CELF5: variants seen among roughly 807,000 people sequenced by gnomAD.
CELF5 encodes CUG-BP and ETR-3 like factor 5.
In CELF5, 6 loss-of-function variants were observed where a neutral mutation model predicts 54.9. That is an observed-to-expected ratio of 0.11 (90% CI 0.06 to 0.22). The LOEUF (loss-of-function observed/expected upper bound fraction) is 0.22. Ranked by LOEUF, CELF5 falls within the 10% of genes least tolerant of loss-of-function variation. The pLI is 1.00. For synonymous variants in CELF5, 271 were observed against 290.9 expected, an observed-to-expected ratio of 0.93 and a Z score of 0.70; for missense variants, 401 against 678.6, an observed-to-expected ratio of 0.59 and a Z score of 4.54.
intron 1 of CELF5, among the ~76,000 whole-genome samples, chr19:3,248,922 C>CTTTCT (rs574151142): frequency 0.021 from 2,509 of 118,834 alleles, 111 homozygotes; most frequent in African/African-American, 0.068. Flanking sequence ...TTCTTTCTTT[C>CTTTCT]TTTCTTTTCT....
In CELF5 at chr19:3,278,155, G is replaced by A; in HGVS notation, c.603+45G>A. 8.0e-7 allele frequency: 1 copy of A among 1,251,012 alleles called. No homozygotes were observed. Among genetic ancestry groups the A allele is most frequent in the East Asian group, 2.4e-5 (1 of 42,194 alleles). 77.5% of individuals were successfully genotyped at this position (1,251,012 alleles called of 1,614,324 possible). A position where few individuals can be genotyped will look rare whatever the true frequency, so the allele number is the denominator to read the frequency against. On this transcript the variant is annotated intron_variant, in intron 5 of 12. Coordinates refer to ENST00000292672, the MANE Select transcript of CELF5 (RefSeq NM_021938.4). This position sits in a 1 kb window ranked among gnomAD's most constrained non-coding sequence, Gnocchi z 4.5. ...GGCCGTGGGGGTGGGGGTGGGAAAG[G>A]GGTGAGGGGGACAGGGATGAAACAG...
intron 2 of CELF5, among the ~76,000 whole-genome samples, chr19:3,263,776 G>A (rs1208744526): frequency 2.6e-5 from 4 of 151,298 alleles, no homozygotes; most frequent in Admixed American, 2.0e-4. Flanking sequence ...GTGGTGGTGG[G>A]CACCTGTGAT....
At position 3,282,895 on chromosome 19, in the gene CELF5, A is replaced by G. The variant is rs943304114; in HGVS notation, c.1039+397A>G. The stretch of plus-strand genomic sequence containing the variant: ...GCCCAGGCTGCATTGCAGTGGCACA[A>G]TCTTGGCTGACTGTAACCTCCGCTT... On this transcript the variant is annotated intron_variant, in intron 8 of 12. Coordinates refer to ENST00000292672, the MANE Select transcript of CELF5 (RefSeq NM_021938.4). This position sits in a 1 kb window ranked among gnomAD's most constrained non-coding sequence, Gnocchi z 5.2. Among the ~76,000 whole-genome samples, 6 of 152,222 alleles carry G rather than the reference A, an allele frequency of 3.9e-5. No homozygotes were observed. Among genetic ancestry groups the G allele is most frequent in the South Asian group, 4.1e-4 (2 of 4,832 alleles).
chr19:3,233,162 C>T (rs1432431369), intron 1 of CELF5, among the ~76,000 whole-genome samples: 1 of 151,898 alleles, frequency 6.6e-6, no homozygotes, highest in South Asian at 2.1e-4. Flanking sequence ...TGGCATGTGC[C>T]TAGAGCCCTA....
rs777092249 is a variant in CELF5 at position 3,224,975 on chromosome 19, A to T, written c.236A>T (p.Asp79Val). The T allele has an allele frequency of 6.3e-7, 1 of 1,596,646 alleles. No homozygotes were observed. The highest frequency in any genetic ancestry group is 1.7e-5 in the Admixed American group (1 of 58,514). ...ATCTACGAGCTCACGGTGCTCAAAG[A>T]CCCCTACACGGGGATGCACAAAGGT... ...GRIYELTVLK[D>V]PYTGMHKGCA... Residue 79 changes from aspartate to valine, a missense_variant, in exon 1 of 13, where the codon GAC (aspartate) becomes GTC (valine). Asp to Val is a radical substitution (Grantham distance 152, BLOSUM62 -3). Around this residue, in one of 6 missense-constraint regions of CELF5, gnomAD observed 66 missense variants for 132.3 expected, o/e 0.50. Transcript: ENST00000292672.
At chr19:3,276,365 G>T (rs2080052898) in intron 4 of CELF5, among the ~76,000 whole-genome samples, 1 of 151,458 alleles carries the variant, frequency 6.6e-6, no homozygotes. Flanking sequence ...GGAGAGGCCC[G>T]AGGCTTCTCC....
intron 10 of CELF5, chr19:3,286,911 T>G (rs1276282685): frequency 6.6e-6 from 1 of 150,852 alleles, no homozygotes; most frequent in African/African-American, 2.4e-5. Context: ...GGCGGGCGCC[T>G]GTGGTCCCAG....
intron 1 of CELF5, among the ~76,000 whole-genome samples, chr19:3,248,198 T>A (rs1420286860): frequency 6.6e-6 from 1 of 152,032 alleles, no homozygotes; most frequent in African/African-American, 2.4e-5. Context: ...CTCTGTTGCC[T>A]AGGCTGGATT....
Position 3,224,831 on chromosome 19 carries a change from C to A in CELF5, c.92C>A (p.Pro31His). 6.3e-7 allele frequency: 1 copy of A among 1,584,756 alleles called. No homozygotes were observed. Among genetic ancestry groups the A allele is most frequent in the African/African-American group, 1.4e-5 (1 of 73,984 alleles). The change falls in exon 1 of 13, where the codon CCC (proline) becomes CAC (histidine). Residue 31 changes from proline (P) to histidine (H), a missense_variant. Coordinates refer to ENST00000292672, the MANE Select transcript of CELF5 (RefSeq NM_021938.4). ...CCCGTGGGCAGCAGCGGGCCCGAGC[C>A]CCCCGGGGGGCAGCCCGACGGCATG... ...PSPVGSSGPE[P>H]PGGQPDGMKD...
chr19:3,226,476 A>ACAC (rs1555715644), intron 1 of CELF5, among the ~76,000 whole-genome samples: 2 of 150,976 alleles, frequency 1.3e-5, no homozygotes, highest in South Asian at 2.1e-4. Flanking sequence ...ACACACACAC[A>ACAC]AAATTGGGCC....
chr19:3,288,035 C>T (rs2080282752), intron 10 of CELF5, among the ~76,000 whole-genome samples: 1 of 152,106 alleles, frequency 6.6e-6, no homozygotes, highest in South Asian at 2.1e-4. Flanking sequence ...AGGTGCAGCT[C>T]ACAGCACACT....
At chr19:3,225,462 TCCCTGCCC>T in intron 1 of CELF5, 7 of 63,212 alleles carry the variant, frequency 1.1e-4, no homozygotes, top group South Asian at 6.4e-4. Flanking sequence ...CCGGCACCCC[TCCCTGCCC>T]CCCCACCCCC....
intron 1 of CELF5, among the ~76,000 whole-genome samples, chr19:3,239,269 G>T (rs1201527323): frequency 2.7e-5 from 4 of 146,828 alleles, no homozygotes; most frequent in Admixed American, 1.4e-4. Context: ...CCAGCTGTTT[G>T]TTTTTTTTTT....
intron 1 of CELF5, among the ~76,000 whole-genome samples, chr19:3,242,704 G>T (rs923276346): frequency 2.0e-5 from 3 of 152,156 alleles, no homozygotes; most frequent in Non-Finnish European, 4.4e-5. Flanking sequence ...TACTTGGGAG[G>T]CTGAGGCAGG....
At chr19:3,251,652 CTTTTTTT>C (rs1195812856) in intron 2 of CELF5, among the ~76,000 whole-genome samples, 3 of 67,110 alleles carry the variant, frequency 4.5e-5, no homozygotes, top group South Asian at 1.2e-3. Flanking sequence ...ACAAGGGCTT[CTTTTTTT>C]TTTTTTTTTT....
At position 3,224,863 on chromosome 19, in the gene CELF5, C is replaced by G; in HGVS notation, c.124C>G (p.Leu42Val). Residue 42 changes from leucine to valine, a missense_variant, in exon 1 of 13, where the codon CTG (leucine) becomes GTG (valine). Coordinates refer to ENST00000292672, the MANE Select transcript of CELF5 (RefSeq NM_021938.4). ...PGGQPDGMKD[L>V]DAIKLFVGQI... is the part of the protein sequence containing the mutation. ...GGGGCAGCCCGACGGCATGAAGGAC[C>G]TGGACGCCATCAAACTCTTCGTGGG... The G allele has an allele frequency of 2.5e-6, 4 of 1,606,756 alleles. No individual in the cohort carries two copies. The highest frequency in any genetic ancestry group is 3.4e-6 in the Non-Finnish European group (4 of 1,177,256).
chr19:3,251,212 T>A, intron 2 of CELF5, 145 bp downstream of exon 2: 1 of 636,444 alleles, frequency 1.6e-6, no homozygotes, highest in South Asian at 1.9e-5. Context: ...GGTATAGAAA[T>A]CATCATAATA....
chr19:3,279,395 C>G (rs2080111117), intron 5 of CELF5, among the ~76,000 whole-genome samples: 1 of 152,070 alleles, frequency 6.6e-6, no homozygotes, highest in South Asian at 2.1e-4. Flanking sequence ...GAAGATGGGA[C>G]CTGAGAGGAA....
chr19:3,285,906 C>T (rs763630814), intron 9 of CELF5, 36 bp from the exon 10 acceptor site: 1 of 1,499,122 alleles, frequency 6.7e-7, no homozygotes, highest in South Asian at 1.3e-5. Flanking sequence ...GGCCTCACGC[C>T]CCTCCTCGCC....
Sources: allele counts gnomAD v4.1 joint callset (sites outside exome capture counted in the v4.1 genomes callset), GRCh38; gene constraint gnomAD v4.1.1; regional missense constraint gnomAD v4.1.1; non-coding constraint Gnocchi (gnomAD v3.1); transcripts MANE v1.5; gene names NCBI Gene and HGNC (gene_info 2026-07-23, HGNC 2026-07-21).